Variants in KCNH7 observed in about 807,000 individuals in gnomAD.
KCNH7 encodes the protein potassium voltage-gated channel subfamily H member 7, also known as voltage-gated inwardly rectifying potassium channel KCNH7.
A neutral mutation model predicts 120.8 loss-of-function variants in KCNH7; 49 were observed. The ratio of observed to expected loss-of-function variants is 0.41; its 90% confidence interval spans 0.32 to 0.51. The LOEUF (loss-of-function observed/expected upper bound fraction) is 0.51, where lower values mean the gene tolerates loss of function less well. KCNH7 is among the 20% of genes least tolerant of loss of function. KCNH7 has a pLI of 0.38. For synonymous variants in KCNH7, 547 were observed against 516.1 expected, an observed-to-expected ratio of 1.06 and a Z score of -0.81; for missense variants, 1,097 against 1,446.6, an observed-to-expected ratio of 0.76 and a Z score of 3.92.
intron 2 of KCNH7, among the ~76,000 whole-genome samples, chr2:162,741,774 G>T (rs926290437): frequency 3.3e-5 from 5 of 152,026 alleles, no homozygotes; most frequent in African/African-American, 1.2e-4. Context: ...TACATCATTA[G>T]AACCCTTTAC....
chr2:162,472,673 C>T (rs1193451314), intron 6 of KCNH7, among the ~76,000 whole-genome samples: 6 of 152,170 alleles, frequency 3.9e-5, no homozygotes, highest in African/African-American at 4.8e-5. Context: ...TTGTGGCAGT[C>T]GGTGTGGTGA....
intron 3 of KCNH7, among the ~76,000 whole-genome samples, chr2:162,533,564 C>T (rs192165698): frequency 6.6e-6 from 1 of 151,460 alleles, no homozygotes; most frequent in East Asian, 2.0e-4. Context: ...AATTAGTAAA[C>T]AAAAATGAGA....
chr2:162,769,414 G>C (rs146213874), intron 2 of KCNH7, among the ~76,000 whole-genome samples: 14 of 152,116 alleles, frequency 9.2e-5, no homozygotes, highest in African/African-American at 3.4e-4. Flanking sequence ...CATTTACAAA[G>C]TTGAGTTGCT....
In KCNH7 at chr2:162,435,271, A is replaced by G; in HGVS notation, c.1881T>C (p.Ser627=). 1 of 1,613,790 alleles carries G rather than the reference A, an allele frequency of 6.2e-7. No individual in the cohort carries two copies. The highest frequency in any genetic ancestry group is 8.5e-7 in the Non-Finnish European group (1 of 1,179,778). Residue 627 remains serine, a synonymous_variant, in exon 8 of 16, where the codon AGT becomes AGC. Coordinates refer to ENST00000332142, the MANE Select transcript of KCNH7 (RefSeq NM_033272.4). Reference sequence around the variant, plus strand: ...TAGGAGACACATTCCCGAATCCTACACTGGTTAAACTGCTGAAGGTAAAAT... The same window carrying G: ...TAGGAGACACATTCCCGAATCCTACGCTGGTTAAACTGCTGAAGGTAAAAT... ...ALYFTFSSLT[S]VGFGNVSPNT...
intron 3 of KCNH7, among the ~76,000 whole-genome samples, chr2:162,532,976 C>T (rs1397609801): frequency 1.3e-5 from 2 of 151,742 alleles, no homozygotes; most frequent in Admixed American, 1.3e-4. Flanking sequence ...ACGAAAACTG[C>T]ATGGTGGGAA....
intron 2 of KCNH7, among the ~76,000 whole-genome samples, chr2:162,678,757 T>C (rs1482860082): frequency 6.6e-6 from 1 of 151,572 alleles, no homozygotes; most frequent in African/African-American, 2.4e-5. Flanking sequence ...GCCCAGGAAC[T>C]CTTTCAAAAT....
At chr2:162,617,142 G>A (rs1683166263) in intron 2 of KCNH7, among the ~76,000 whole-genome samples, 1 of 152,144 alleles carries the variant, frequency 6.6e-6, no homozygotes, top group African/African-American at 2.4e-5. Context: ...AAGAAGCACA[G>A]CTGAGATGAA....
chr2:162,688,358 C>T (rs142613335), intron 2 of KCNH7, among the ~76,000 whole-genome samples: 27 of 152,198 alleles, frequency 1.8e-4, no homozygotes, highest in African/African-American at 6.0e-4. Context: ...TAAAGCTCTA[C>T]TGGCACATTT....
At chr2:162,467,154 C>G (rs973196405) in intron 6 of KCNH7, among the ~76,000 whole-genome samples, 1 of 152,164 alleles carries the variant, frequency 6.6e-6, no homozygotes, top group African/African-American at 2.4e-5. Context: ...GTGTGAATTG[C>G]CTGTCTTTAG....
rs1683295012 is a variant in KCNH7, at chr2:162,777,644, T to G, written c.307+58893A>C. On this transcript the variant is annotated intron_variant, in intron 2 of 15. Coordinates refer to ENST00000332142, the MANE Select transcript of KCNH7 (RefSeq NM_033272.4). The stretch of plus-strand genomic sequence containing the variant: ...ATTACAGTATCTCATTTTATTCTCC[T>G]AACAACCTTGTGAGGTTTTAATCAT... 2.6e-5 allele frequency among the ~76,000 whole-genome samples: 4 copies of G among 152,150 alleles called. No individual in the cohort carries two copies. In the South Asian group the frequency reaches 8.3e-4, roughly 31 times the overall value.
intron 2 of KCNH7, among the ~76,000 whole-genome samples, chr2:162,723,227 G>A (rs986441994): frequency 1.3e-5 from 2 of 151,572 alleles, no homozygotes; most frequent in Non-Finnish European, 2.9e-5. Context: ...ATGCATATTA[G>A]TAAAAAAAAC....
intron 2 of KCNH7, among the ~76,000 whole-genome samples, chr2:162,628,301 T>C (rs1268442074): frequency 6.6e-6 from 1 of 152,046 alleles, no homozygotes; most frequent in South Asian, 2.1e-4. Flanking sequence ...CAGGAAGAAA[T>C]TAGTATTAAC....
intron 15 of KCNH7, among the ~76,000 whole-genome samples, chr2:162,373,104 G>A (rs1451000910): frequency 6.6e-6 from 1 of 151,912 alleles, no homozygotes; most frequent in East Asian, 1.9e-4. Context: ...GCTCTTTTGG[G>A]ACCCAGATTT....
chr2:162,708,710 A>G (rs929019843), intron 2 of KCNH7, among the ~76,000 whole-genome samples: 17 of 152,110 alleles, frequency 1.1e-4, no homozygotes, highest in Non-Finnish European at 1.8e-4. Context: ...ACAAGTAGTG[A>G]GAATTTGATG....
intron 2 of KCNH7, among the ~76,000 whole-genome samples, chr2:162,810,716 C>T (rs944386206): frequency 6.6e-6 from 1 of 152,084 alleles, no homozygotes; most frequent in African/African-American, 2.4e-5. Flanking sequence ...GCTTAACAGA[C>T]ATGATTTTAT....
chr2:162,492,865 GTTTTTTTTTTTT>G (rs67006443), intron 6 of KCNH7, among the ~76,000 whole-genome samples: 1,966 of 57,290 alleles, frequency 0.034, 64 homozygotes, highest in African/African-American at 0.1. Context: ...CTTGGATCTT[GTTTTTTTTTTTT>G]TTTTTTTTTT....
chr2:162,477,817 T>TATCCACCC (rs1553481857), intron 6 of KCNH7, among the ~76,000 whole-genome samples: 15 of 149,016 alleles, frequency 1.0e-4, no homozygotes, highest in African/African-American at 3.8e-4. Context: ...CCCAAACATC[T>TATCCACCC]ATCCATCCAT....
intron 2 of KCNH7, among the ~76,000 whole-genome samples, chr2:162,713,139 G>T (rs1686986586): frequency 6.6e-6 from 1 of 152,124 alleles, no homozygotes; most frequent in Non-Finnish European, 1.5e-5. Context: ...TGGTCTGTTG[G>T]CCAGGCTGGT....
At position 162,606,367 on chromosome 2, in the gene KCNH7, A is replaced by C. The variant is rs201044815; in HGVS notation, c.308-69287T>G. On this transcript the variant is annotated intron_variant, in intron 2 of 15. Coordinates refer to ENST00000332142, the MANE Select transcript of KCNH7 (RefSeq NM_033272.4). ...AAGTCAAAGCCAAACTTAAACCAAA[A>C]AACCCTGAATTTATTGTGTTAATTA... is the stretch of plus-strand genomic sequence containing the variant. Among the ~76,000 whole-genome samples the C allele has an allele frequency of 8.5e-5, 13 of 152,306 alleles. 1 individual carries two copies. In the East Asian group the frequency reaches 2.5e-3, roughly 29 times the overall value.
Sources: allele counts gnomAD v4.1 joint callset (sites outside exome capture counted in the v4.1 genomes callset), GRCh38; gene constraint gnomAD v4.1.1; transcripts MANE v1.5; gene names NCBI Gene and HGNC (gene_info 2026-07-23, HGNC 2026-07-21).